Variants in HHLA1 observed in about 807,000 individuals in gnomAD.
The protein encoded by HHLA1 is HERV-H LTR-associating protein 1.
Under a neutral mutation model 69.9 loss-of-function variants are expected in HHLA1, and 72 were observed. The ratio of observed to expected loss-of-function variants is 1.03; its 90% CI spans 0.85 to 1.25. The LOEUF (loss-of-function observed/expected upper bound fraction) is 1.25, where lower values mean the gene tolerates loss of function less well. Ranked by LOEUF, HHLA1 falls within the 50% of genes most tolerant of loss-of-function variation. The pLI is 0.00. For synonymous variants in HHLA1, 252 were observed against 233.2 expected (o/e 1.08, Z -0.73); for missense variants, 685 against 642.2 (o/e 1.07, Z -0.72).
chr8:132,083,564 A>G (rs958995102), intron 10 of HHLA1, among the ~76,000 whole-genome samples: 9 of 152,120 alleles, frequency 5.9e-5, no homozygotes, highest in African/African-American at 1.2e-4. Flanking sequence ...CAGCGTTCCA[A>G]GGGCTCTGGG....
rs1348243819 is a variant in HHLA1 at position 132,089,585 on chromosome 8, G to C, written c.463C>G (p.Leu155Val). ...GTAGAATTGCCGATGATATCTACCAGTAGAGCTGTAAAATCTGCAAGACAA... is the reference window on the plus strand; with the variant it reads ...GTAGAATTGCCGATGATATCTACCACTAGAGCTGTAAAATCTGCAAGACAA... ...TNDLSDFTAL[L>V]VDIIGNSTSY... Residue 155 changes from leucine to valine, a missense_variant, in exon 8 of 17, where the codon CTG becomes GTG. By Grantham distance (32) the Leu-to-Val change is conservative (BLOSUM62 1). Coordinates refer to ENST00000414222, the MANE Select transcript of HHLA1 (RefSeq NM_001145095.3). The C allele has an allele frequency of 2.0e-6, 3 of 1,491,494 alleles. No homozygotes were observed. The highest frequency in any genetic ancestry group is 9.2e-7 in the Non-Finnish European group (1 of 1,092,056). 92.4% of individuals were successfully genotyped at this position (1,491,494 alleles called of 1,614,324 possible).
intron 3 of HHLA1, chr8:132,101,242 T>A (rs1252929641): frequency 6.4e-7 from 1 of 1,550,436 alleles, no homozygotes. Context: ...ATGTCCCATC[T>A]TTTTCCTTCT....
At chr8:132,110,936 G>A (rs1273967629) in intron 1 of HHLA1, among the ~76,000 whole-genome samples, 166 bp downstream of exon 1, 1 of 152,190 alleles carries the variant, frequency 6.6e-6, no homozygotes, top group Non-Finnish European at 1.5e-5. Context: ...TGGAGTCTTA[G>A]CTAAATGCAA....
At chr8:132,089,160 T>C (rs770334821) in intron 8 of HHLA1, among the ~76,000 whole-genome samples, 1 of 152,214 alleles carries the variant, frequency 6.6e-6, no homozygotes, top group African/African-American at 2.4e-5. Flanking sequence ...ACCTGAATTC[T>C]GGCACCAAAC....
At chr8:132,103,618 A>AAAAT (rs144841392) in intron 3 of HHLA1, among the ~76,000 whole-genome samples, 5,685 of 151,650 alleles carry the variant, frequency 0.037, 141 homozygotes, top group South Asian at 0.068. Flanking sequence ...ACCCCATCTC[A>AAAAT]AAATAAATAA....
At chr8:132,103,465 A>G (rs1824148899) in intron 3 of HHLA1, among the ~76,000 whole-genome samples, 1 of 152,094 alleles carries the variant, frequency 6.6e-6, no homozygotes, top group Non-Finnish European at 1.5e-5. Flanking sequence ...CAAAAGTACA[A>G]AATATTATCC....
chr8:132,078,619 C>T (rs776296650), intron 11 of HHLA1, among the ~76,000 whole-genome samples: 10 of 152,048 alleles, frequency 6.6e-5, no homozygotes, highest in East Asian at 1.9e-4. Flanking sequence ...TCCTCTATGC[C>T]GGGGTAGGAG....
chr8:132,105,318 T>A lies in HHLA1; in HGVS notation c.-21-32A>T, dbSNP rs1342006142. The A allele has an allele frequency of 1.1e-5, 15 of 1,346,488 alleles. No individual in the cohort carries two copies. In the East Asian group the frequency reaches 3.5e-4, roughly 31 times the overall value. The allele number at this position is 1,346,488 out of a possible 1,614,324, so 83.4% of individuals were successfully genotyped here. A position where few individuals can be genotyped will look rare whatever the true frequency, so the allele number is the denominator to read the frequency against. ...TGAAGCAAGCAAACACTTAGGAAACTAAGCACATGGATGCAGACCTTCCTT... is the reference window on the plus strand; with the variant it reads ...TGAAGCAAGCAAACACTTAGGAAACAAAGCACATGGATGCAGACCTTCCTT... On this transcript the variant is annotated intron_variant, in intron 1 of 16. Coordinates refer to ENST00000414222, the MANE Select transcript of HHLA1 (RefSeq NM_001145095.3).
chr8:132,064,324 C>T (rs1048915125), intron 16 of HHLA1, among the ~76,000 whole-genome samples: 1 of 152,214 alleles, frequency 6.6e-6, no homozygotes, highest in African/African-American at 2.4e-5. Flanking sequence ...TAACGCATCT[C>T]TAGAGCTTGC....
intron 5 of HHLA1, among the ~76,000 whole-genome samples, chr8:132,097,465 T>A (rs1052541517): frequency 6.6e-6 from 1 of 151,888 alleles, no homozygotes; most frequent in Non-Finnish European, 1.5e-5. Context: ...AAAATGGGAG[T>A]GAGAGTACCA....
chr8:132,077,413 G>T (rs1823663363), intron 12 of HHLA1, among the ~76,000 whole-genome samples: 1 of 152,048 alleles, frequency 6.6e-6, no homozygotes, highest in Non-Finnish European at 1.5e-5. Flanking sequence ...TTCAGGCCCG[G>T]GTCCATCCAT....
chr8:132,090,782 G>A (rs1233453841), intron 7 of HHLA1, among the ~76,000 whole-genome samples: 2 of 143,956 alleles, frequency 1.4e-5, no homozygotes, highest in African/African-American at 5.3e-5. Flanking sequence ...TTTTTGAGAT[G>A]GAGTCTCGCT....
chr8:132,092,544 T>C (rs946709749), intron 7 of HHLA1, among the ~76,000 whole-genome samples: 1 of 152,048 alleles, frequency 6.6e-6, no homozygotes, highest in Non-Finnish European at 1.5e-5. Context: ...AGTGAGTGAG[T>C]TATTGTGAGA....
At position 132,071,368 on chromosome 8, in the gene HHLA1, G is replaced by A. The variant is rs1362889399; in HGVS notation, c.1441C>T (p.Gln481Ter). The A allele has an allele frequency of 3.9e-6, 6 of 1,551,668 alleles. No individual in the cohort carries two copies. In the South Asian group the frequency reaches 7.1e-5, roughly 18 times the overall value. The change falls in exon 15 of 17, where the codon CAG (glutamine) becomes TAG (stop). Residue 481 changes from glutamine (Q) to a stop codon, truncating the protein, a stop_gained. Transcript: ENST00000414222. LOFTEE classifies it high-confidence loss of function. The stretch of plus-strand genomic sequence containing the variant: ...ATGTCCTCTGTCCTGGGACTCCTCT[G>A]GCTCATGCAGAGGCATTGCTGGAAG... The part of the protein sequence containing the change: ...QFFQQCLCMS[Q>*]RSPRTEDMRY...
chr8:132,079,694 G>A (rs1425878051), intron 11 of HHLA1, 24 bp downstream of exon 11: 11 of 1,523,758 alleles, frequency 7.2e-6, no homozygotes, highest in Non-Finnish European at 9.7e-6. Flanking sequence ...GCAAAGGGGA[G>A]GAAAGGGTGA....
At chr8:132,089,963 T>C (rs757173302) in intron 7 of HHLA1, among the ~76,000 whole-genome samples, 1 of 152,136 alleles carries the variant, frequency 6.6e-6, no homozygotes, top group Non-Finnish European at 1.5e-5. Flanking sequence ...CTCCATCTGA[T>C]AGGAAGCAGC....
chr8:132,091,683 A>C (rs1329137565), intron 7 of HHLA1, among the ~76,000 whole-genome samples: 4 of 152,250 alleles, frequency 2.6e-5, no homozygotes, highest in African/African-American at 9.6e-5. Context: ...AGAAGGTAGA[A>C]GTACAAAACC....
At position 132,095,506 on chromosome 8, in the gene HHLA1, A is replaced by G. The variant is rs1434405772; in HGVS notation, c.448+13T>C. ...TTGGAAAAGCTGCAAGCCTCATGGT[A>G]AGCTGTACCCACCTGATAAGTCATT... On this transcript the variant is annotated intron_variant, in intron 7 of 16. Coordinates refer to ENST00000414222, the MANE Select transcript of HHLA1 (RefSeq NM_001145095.3). 1 of 1,524,620 alleles carries G rather than the reference A, an allele frequency of 6.6e-7. No individual in the cohort carries two copies. The highest frequency in any genetic ancestry group is 1.2e-5 in the South Asian group (1 of 83,158). The allele number at this position is 1,524,620 out of a possible 1,614,324, so 94.4% of individuals were successfully genotyped here.
rs774615079 is a variant in HHLA1, at chr8:132,105,262, G to C, written c.4C>G (p.Leu2Val). M[L>V]GFLSRGPSMK... The stretch of plus-strand genomic sequence containing the variant: ...GAAGGACCACGTGACAGGAAGCCCA[G>C]CATGCTTGTGATACTCTGGCCCACC... Residue 2 changes from leucine (L) to valine (V), a missense_variant, in exon 2 of 17, where the codon CTG (leucine) becomes GTG (valine). Coordinates refer to ENST00000414222, the MANE Select transcript of HHLA1 (RefSeq NM_001145095.3). 1.3e-6 allele frequency: 2 copies of C among 1,551,974 alleles called. No individual in the cohort carries two copies. Among genetic ancestry groups the C allele is most frequent in the Non-Finnish European group, 1.7e-6 (2 of 1,146,950 alleles).
Sources: allele counts gnomAD v4.1 joint callset (sites outside exome capture counted in the v4.1 genomes callset), GRCh38; gene constraint gnomAD v4.1.1; transcripts MANE v1.5; gene names NCBI Gene and HGNC (gene_info 2026-07-23, HGNC 2026-07-21).